Variants in NLGN4X observed in about 807,000 individuals in gnomAD.
NLGN4X encodes neuroligin 4 X-linked.
Under a neutral mutation model 40.3 loss-of-function variants are expected in NLGN4X, and 3 were observed. That is an observed-to-expected ratio of 0.07 (90% CI 0.03 to 0.19). The LOEUF (loss-of-function observed/expected upper bound fraction) is 0.19, where lower values mean the gene tolerates loss of function less well. Among genes scored for constraint, NLGN4X ranks in the 10% least tolerant of loss-of-function variants. The pLI, the probability that NLGN4X is intolerant of heterozygous loss-of-function variation, is 1.00. For missense variants in NLGN4X, 382 were observed against 708.3 expected, an observed-to-expected ratio of 0.54 and a Z score of 5.23; for synonymous variants, 270 against 306.8, an observed-to-expected ratio of 0.88 and a Z score of 1.25.
At chrX:5,906,435 C>A (rs1255604473) in intron 4 of NLGN4X, among the ~76,000 whole-genome samples, 2 of 111,675 alleles carry the variant, frequency 1.8e-5, no homozygotes, top group East Asian at 5.6e-4. Context: ...AGGAGCACAG[C>A]GATCCAGAAA....
intron 3 of NLGN4X, among the ~76,000 whole-genome samples, chrX:5,913,157 T>G (rs976699917): frequency 3.6e-5 from 4 of 111,488 alleles, no homozygotes; most frequent in South Asian, 7.7e-4. Context: ...TAAAGAGTGA[T>G]CTTAAAAAAT....
intron 3 of NLGN4X, among the ~76,000 whole-genome samples, chrX:5,995,921 G>A (rs113222397): frequency 0.053 from 5,932 of 111,514 alleles, 370 homozygotes; most frequent in African/African-American, 0.18. Context: ...CTGTATACAC[G>A]TACGTATCCA....
chrX:6,096,331 T>C (rs2051482227), intron 2 of NLGN4X, among the ~76,000 whole-genome samples: 1 of 111,741 alleles, frequency 8.9e-6, no homozygotes, highest in South Asian at 3.8e-4. Context: ...TCCCTACAGA[T>C]TAGAGGCCAA....
chrX:6,109,439 T>C (rs184735784), intron 2 of NLGN4X, among the ~76,000 whole-genome samples: 1 of 112,383 alleles, frequency 8.9e-6, no homozygotes, highest in Non-Finnish European at 1.9e-5. Context: ...GAGCAGATTG[T>C]ATGGAGATTG....
At position 6,151,419 on chromosome X, in the gene NLGN4X, C is replaced by T. The variant is rs398124365; in HGVS notation, c.48G>A (p.Pro16=). 1.0e-4 allele frequency: 122 copies of T among 1,209,532 alleles called. No individual in the cohort carries two copies. The highest frequency in any genetic ancestry group is 8.3e-4 in the South Asian group (47 of 56,772). The part of the protein sequence containing the change: ...GLLWLPLLFT[P]VCVMLNSNVL... ...CATTGGAGTTTAACATGACGCAGAC[C>T]GGGGTGAACAACAAAGGAAGCCATA... Residue 16 remains proline (P), a synonymous_variant, in exon 2 of 6, where the codon CCG becomes CCA. Transcript: ENST00000381095.
At chrX:6,074,485 T>C (rs1003822458) in intron 2 of NLGN4X, among the ~76,000 whole-genome samples, 1 of 111,757 alleles carries the variant, frequency 8.9e-6, no homozygotes, top group African/African-American at 3.3e-5. Flanking sequence ...CCAAGAATAT[T>C]GTTGCCATGT....
chrX:5,948,014 G>T (rs1454116350), intron 3 of NLGN4X, among the ~76,000 whole-genome samples: 1 of 111,305 alleles, frequency 9.0e-6, no homozygotes, highest in Non-Finnish European at 1.9e-5. Flanking sequence ...AGACTGAAAA[G>T]AATTTAAAGG....
At chrX:6,180,709 T>C (rs1921344506) in intron 1 of NLGN4X, among the ~76,000 whole-genome samples, 1 of 110,928 alleles carries the variant, frequency 9.0e-6, no homozygotes, top group Non-Finnish European at 1.9e-5. Flanking sequence ...ACATAGAAAG[T>C]AGTGGCAGAA....
intron 2 of NLGN4X, among the ~76,000 whole-genome samples, chrX:6,032,090 G>A (rs1307410518): frequency 1.1e-5 from 1 of 93,679 alleles, no homozygotes; most frequent in Non-Finnish European, 2.1e-5. Flanking sequence ...GTAAAAGGCA[G>A]TCCTGAATGC....
At chrX:6,200,876 T>G (rs779163120) in intron 1 of NLGN4X, among the ~76,000 whole-genome samples, 40 of 108,660 alleles carry the variant, frequency 3.7e-4, no homozygotes, top group South Asian at 3.3e-3. Context: ...TTATTATTAT[T>G]CTTTGTACAG....
intron 1 of NLGN4X, among the ~76,000 whole-genome samples, chrX:6,162,734 T>A (rs1244480828): frequency 8.9e-6 from 1 of 111,850 alleles, no homozygotes; most frequent in Non-Finnish European, 1.9e-5. Flanking sequence ...AATGCTTCCA[T>A]CTCTTATGTG....
intron 1 of NLGN4X, among the ~76,000 whole-genome samples, chrX:6,199,794 GT>G (rs1217088961): frequency 8.9e-6 from 1 of 112,025 alleles, no homozygotes; most frequent in Admixed American, 9.5e-5. Flanking sequence ...AGATGAGGAA[GT>G]TTTTTTAAAG....
chrX:5,926,943 TC>T (rs2033351415), intron 3 of NLGN4X, among the ~76,000 whole-genome samples: 1 of 95,995 alleles, frequency 1.0e-5, no homozygotes, highest in African/African-American at 4.4e-5. Context: ...CTTCTATCTA[TC>T]TATCTATCTA....
In NLGN4X at chrX:5,893,616, G is replaced by C; in HGVS notation, c.1652C>G (p.Pro551Arg). 8.3e-7 allele frequency: 1 copy of C among 1,211,406 alleles called. No individual in the cohort carries two copies. The highest frequency in any genetic ancestry group is 1.1e-6 in the Non-Finnish European group (1 of 895,373). ...PQDTKFIHTK[P>R]NRFEEVAWSK... is the part of the protein sequence containing the mutation. Reference sequence around the variant, plus strand: ...CCAGGCCACTTCTTCAAAGCGGTTGGGTTTTGTGTGAATGAACTTGGTATC... The same window carrying C: ...CCAGGCCACTTCTTCAAAGCGGTTGCGTTTTGTGTGAATGAACTTGGTATC... Residue 551 changes from proline (P) to arginine (R), a missense_variant, in exon 6 of 6, where the codon CCC (proline) becomes CGC (arginine). Pro to Arg is a moderately radical substitution (Grantham distance 103). Around this residue, in one of 5 missense-constraint regions of NLGN4X, gnomAD observed 149 missense variants for 375.8 expected, o/e 0.40. Coordinates refer to ENST00000381095, the MANE Select transcript of NLGN4X (RefSeq NM_181332.3).
intron 3 of NLGN4X, among the ~76,000 whole-genome samples, chrX:6,001,925 A>G (rs2147130043): frequency 8.9e-6 from 1 of 111,986 alleles, no homozygotes; most frequent in Admixed American, 9.5e-5. Flanking sequence ...ATTTGACAAC[A>G]TGAGCACTTG....
chrX:6,032,228 C>A (rs1227524275), intron 2 of NLGN4X, among the ~76,000 whole-genome samples: 3 of 4,536 alleles, frequency 6.6e-4, no homozygotes, highest in South Asian at 9.7e-3. Flanking sequence ...TATTTCAGCC[C>A]CCCCCCCCCC....
At chrX:6,035,620 T>C (rs772817956) in intron 2 of NLGN4X, among the ~76,000 whole-genome samples, 5 of 111,689 alleles carry the variant, frequency 4.5e-5, no homozygotes, top group Non-Finnish European at 7.5e-5. Flanking sequence ...GACTACAAAT[T>C]GAAGGATTTA....
chrX:5,913,067 GAAGA>G (rs1302586514), intron 3 of NLGN4X, among the ~76,000 whole-genome samples: 1,260 of 101,097 alleles, frequency 0.012, 43 homozygotes, highest in African/African-American at 0.045. Flanking sequence ...AGGAAGGAAG[GAAGA>G]AAGGAAGGAA....
intron 2 of NLGN4X, among the ~76,000 whole-genome samples, chrX:6,141,274 C>T (rs991478507): frequency 3.6e-5 from 4 of 111,434 alleles, no homozygotes; most frequent in African/African-American, 1.3e-4. Flanking sequence ...CTAGTAAGAT[C>T]GGATCTACTC....
Sources: gnomAD v4.1 joint callset for allele counts (sites outside exome capture counted in the v4.1 genomes callset) on GRCh38, gnomAD v4.1.1 for gene constraint, gnomAD v4.1.1 regional missense constraint, MANE v1.5 for transcripts, NCBI Gene and HGNC (gene_info 2026-07-23, HGNC 2026-07-21) for gene names.